PLSCR5: variants seen among roughly 807,000 people sequenced by gnomAD.
The protein encoded by PLSCR5 is phospholipid scramblase family member 5, also known as phospholipid scramblase family, member 5.
In PLSCR5, 44 loss-of-function variants were observed where a neutral mutation model predicts 33.6. That is an observed-to-expected ratio of 1.31 (90% CI 1.03 to 1.69). The LOEUF (loss-of-function observed/expected upper bound fraction) is 1.69, where lower values mean the gene tolerates loss of function less well. Ranked by LOEUF, PLSCR5 falls within the 40% of genes most tolerant of loss-of-function variation. The probability of loss-of-function intolerance (pLI) is 0.00; values close to 1 mark genes in which losing one functional copy is unlikely to be tolerated. For missense variants in PLSCR5, 375 were observed against 318.7 expected, an observed-to-expected ratio of 1.18 and a Z score of -1.34; for synonymous variants, 148 against 112.3, an observed-to-expected ratio of 1.32 and a Z score of -2.01.
At chr3:146,590,997 G>GTTT (rs371124404) in intron 5 of PLSCR5, among the ~76,000 whole-genome samples, 7,990 of 141,764 alleles carry the variant, frequency 0.056, 275 homozygotes, top group East Asian at 0.13. Context: ...GTTTTTTTTT[G>GTTT]TTTTTTTTTT....
At chr3:146,582,981 AT>A (rs1487626331), downstream of PLSCR5, among the ~76,000 whole-genome samples, 1 of 151,718 alleles carries the variant, frequency 6.6e-6, no homozygotes, top group African/African-American at 2.4e-5. Flanking sequence ...CATGAAGACC[AT>A]TTTCCACACC....
chr3:146,598,608 T>C (rs1294397676), intron 2 of PLSCR5, among the ~76,000 whole-genome samples: 1 of 152,212 alleles, frequency 6.6e-6, no homozygotes, highest in Non-Finnish European at 1.5e-5. Flanking sequence ...TCCGGGTGTG[T>C]CATCATTCAT....
chr3:146,593,620 C>T (rs1012081143), intron 4 of PLSCR5, among the ~76,000 whole-genome samples: 2 of 152,088 alleles, frequency 1.3e-5, no homozygotes, highest in Non-Finnish European at 1.5e-5. Flanking sequence ...AATGGTGGAA[C>T]CTGTAGACAT....
chr3:146,594,371 T>A (rs2044741376), intron 3 of PLSCR5, among the ~76,000 whole-genome samples: 1 of 152,116 alleles, frequency 6.6e-6, no homozygotes, highest in South Asian at 2.1e-4. Context: ...ATTCCAGATA[T>A]ATGACCTACT....
In PLSCR5 at chr3:146,600,353, G is replaced by A; in HGVS notation, c.124C>T (p.Leu42Phe). The part of the protein sequence containing the change: ...NPGNQAWQLS[L>F]PLPSSFLPTV... ...GGCAGGAAACTGCTTGGCAGAGGGA[G>A]ACTCAGCTGCCATGCTTGGTTCCCT... Residue 42 changes from leucine (L) to phenylalanine (F), a missense_variant, in exon 2 of 8, where the codon CTC (leucine) becomes TTC (phenylalanine). By Grantham distance (22) the Leu-to-Phe change is conservative. Transcript: ENST00000443512. The A allele has an allele frequency of 6.2e-7, 1 of 1,608,458 alleles. No homozygotes were observed. The highest frequency in any genetic ancestry group is 8.5e-7 in the Non-Finnish European group (1 of 1,176,992).
At position 146,589,815 on chromosome 3, in the gene PLSCR5, C is replaced by A; in HGVS notation, c.616-1G>T. On this transcript the variant is annotated splice_acceptor_variant, in intron 5 of 7. Transcript: ENST00000443512. LOFTEE classifies it high-confidence loss of function. ...TAAGCTTTTCATTAATGGTTTTCAC[C>A]TTTAGAAAGAAAATAAGGAGTATTA... 1.3e-6 allele frequency: 2 copies of A among 1,513,858 alleles called. No homozygotes were observed. The highest frequency in any genetic ancestry group is 9.0e-7 in the Non-Finnish European group (1 of 1,111,632). 93.8% of individuals were successfully genotyped at this position (1,513,858 alleles called of 1,614,324 possible).
At chr3:146,587,214 T>C (rs2044673425) in intron 6 of PLSCR5, among the ~76,000 whole-genome samples, 1 of 152,178 alleles carries the variant, frequency 6.6e-6, no homozygotes, top group South Asian at 2.1e-4. Flanking sequence ...TGCAGATGCT[T>C]GCACTTTGCA....
chr3:146,600,831 C>T (rs2044807650), intron 1 of PLSCR5, among the ~76,000 whole-genome samples: 1 of 147,904 alleles, frequency 6.8e-6, no homozygotes, highest in Non-Finnish European at 1.5e-5. Flanking sequence ...ATATATGAAC[C>T]AAAATGTGGA....
chr3:146,578,962 A>G (rs1197326133), intron 7 of PLSCR5, among the ~76,000 whole-genome samples: 1 of 152,030 alleles, frequency 6.6e-6, no homozygotes, highest in Non-Finnish European at 1.5e-5. Flanking sequence ...CATTTCTTTA[A>G]CAAGATTTTT....
intron 6 of PLSCR5, 52 bp downstream of exon 6, chr3:146,589,601 C>A (rs1002402568): frequency 2.1e-5 from 29 of 1,405,896 alleles, no homozygotes; most frequent in African/African-American, 2.9e-5. Flanking sequence ...TTGTAATTAA[C>A]AAGCAAGAGG....
intron 4 of PLSCR5, among the ~76,000 whole-genome samples, chr3:146,593,239 A>T (rs17367434): frequency 0.12 from 18,542 of 152,046 alleles, 1,475 homozygotes; most frequent in Middle Eastern, 0.19. Context: ...GAGAGTAATT[A>T]TTTCTAGCTC....
chr3:146,590,995 T>TG (rs1013457867), intron 5 of PLSCR5, among the ~76,000 whole-genome samples: 6 of 75,482 alleles, frequency 7.9e-5, no homozygotes, highest in Non-Finnish European at 1.8e-4. Flanking sequence ...AGGTTTTTTT[T>TG]TGTTTTTTTT....
At chr3:146,582,587 C>T (rs1259625072), downstream of PLSCR5, among the ~76,000 whole-genome samples, 1 of 152,262 alleles carries the variant, frequency 6.6e-6, no homozygotes, top group Admixed American at 6.5e-5. Flanking sequence ...CTGCTCTAAC[C>T]TCACCCTTGG....
chr3:146,595,007 T>C (rs1461890527), intron 3 of PLSCR5, 34 bp downstream of exon 3: 2 of 1,264,986 alleles, frequency 1.6e-6, no homozygotes, highest in African/African-American at 1.6e-5. Context: ...TTTCAATAGT[T>C]TTAATAAATA....
intron 1 of PLSCR5, among the ~76,000 whole-genome samples, chr3:146,602,465 G>C (rs1038849159): frequency 6.6e-6 from 1 of 151,990 alleles, no homozygotes. Context: ...TTGGGAAAGG[G>C]AGGATGCATG....
chr3:146,591,187 A>G (rs2107851954), intron 5 of PLSCR5, among the ~76,000 whole-genome samples: 1 of 151,990 alleles, frequency 6.6e-6, no homozygotes, highest in South Asian at 2.1e-4. Flanking sequence ...CTTTATTGCC[A>G]TGTGTCCTGT....
intron 1 of PLSCR5, among the ~76,000 whole-genome samples, chr3:146,600,864 A>G (rs1242606705): frequency 6.7e-6 from 1 of 148,668 alleles, no homozygotes; most frequent in East Asian, 1.9e-4. Context: ...GTTACTTTAT[A>G]CATATATAAA....
At chr3:146,590,922 G>C (rs2044707808) in intron 5 of PLSCR5, among the ~76,000 whole-genome samples, 1 of 151,588 alleles carries the variant, frequency 6.6e-6, no homozygotes, top group African/African-American at 2.4e-5. Flanking sequence ...AGTTTATATT[G>C]CTACAGATCA....
chr3:146,581,697 AAAAC>A (rs1278252426), downstream of PLSCR5, among the ~76,000 whole-genome samples: 1 of 152,248 alleles, frequency 6.6e-6, no homozygotes, highest in Non-Finnish European at 1.5e-5. Context: ...TTCTCAGCAC[AAAAC>A]AAAGTGAGAT....
Sources: allele counts gnomAD v4.1 joint callset (sites outside exome capture counted in the v4.1 genomes callset), GRCh38; gene constraint gnomAD v4.1.1; transcripts MANE v1.5; gene names NCBI Gene and HGNC (gene_info 2026-07-23, HGNC 2026-07-21).